Variants in RSU1 observed in about 807,000 individuals in gnomAD.
RSU1 encodes the protein Ras suppressor protein 1.
In RSU1, 26 loss-of-function variants were observed where a neutral mutation model predicts 31.1. The observed-to-expected ratio is 0.84, with a 90% confidence interval of 0.61 to 1.16. The LOEUF (loss-of-function observed/expected upper bound fraction) is 1.16. Ranked by LOEUF, RSU1 falls within the 50% of genes most tolerant of loss-of-function variation. The probability of loss-of-function intolerance (pLI) is 0.00; values close to 1 mark genes in which losing one functional copy is unlikely to be tolerated. For synonymous variants in RSU1, 164 were observed against 136.3 expected, an observed-to-expected ratio of 1.20 and a Z score of -1.41; for missense variants, 320 against 339.1, an observed-to-expected ratio of 0.94 and a Z score of 0.44.
Position 16,773,885 on chromosome 10 carries a change from T to A in RSU1, c.160+8149A>T, listed in dbSNP as rs368781020. 4.1e-3 allele frequency among the ~76,000 whole-genome samples: 617 copies of A among 151,834 alleles called. 3 individuals carry two copies. The highest frequency in any genetic ancestry group is 6.8e-3 in the Non-Finnish European group (461 of 67,964). On this transcript the variant is annotated intron_variant, in intron 3 of 8. Transcript: ENST00000345264. Reference sequence around the variant, plus strand: ...AAAGGGGTAGGAACATCAGTTTTTTTAAAAAAATCAGGTGACTAGAACAAA... The same window carrying A: ...AAAGGGGTAGGAACATCAGTTTTTTAAAAAAAATCAGGTGACTAGAACAAA...
chr10:16,679,284 A>G (rs1835286054), intron 8 of RSU1, among the ~76,000 whole-genome samples: 3 of 152,312 alleles, frequency 2.0e-5, no homozygotes, highest in East Asian at 1.9e-4. Flanking sequence ...TTGCTTTCAA[A>G]AAGACTTCAG....
At chr10:16,676,522 T>C (rs1286962918) in intron 8 of RSU1, among the ~76,000 whole-genome samples, 1 of 152,186 alleles carries the variant, frequency 6.6e-6, no homozygotes, top group Non-Finnish European at 1.5e-5. Context: ...CAAGATGAGA[T>C]TTGGGTGGGG....
rs182580174 is a variant in RSU1 at position 16,773,920 on chromosome 10, G to C, written c.160+8114C>G. Among the ~76,000 whole-genome samples, 6 of 152,136 alleles carry C rather than the reference G, an allele frequency of 3.9e-5. No individual in the cohort carries two copies. In the East Asian group the frequency reaches 1.2e-3, roughly 29 times the overall value. On this transcript the variant is annotated intron_variant, in intron 3 of 8. Transcript: ENST00000345264. ...AGGTGACTAGAACAAAGAATAGATAGGCAGGGGAAAAAAGCTAAAGAACCA... is the reference window on the plus strand; with the variant it reads ...AGGTGACTAGAACAAAGAATAGATACGCAGGGGAAAAAAGCTAAAGAACCA...
intron 2 of RSU1, among the ~76,000 whole-genome samples, chr10:16,790,557 A>G (rs1837890691): frequency 6.6e-6 from 1 of 152,150 alleles, no homozygotes; most frequent in African/African-American, 2.4e-5. Context: ...GACCTACACA[A>G]CTCACGGGTG....
At chr10:16,757,264 A>G (rs533132583) in intron 4 of RSU1, among the ~76,000 whole-genome samples, 61 of 152,264 alleles carry the variant, frequency 4.0e-4, no homozygotes, top group African/African-American at 1.4e-3. Context: ...AAATTTAATA[A>G]AAGTTGACAG....
intron 8 of RSU1, among the ~76,000 whole-genome samples, chr10:16,662,960 C>A (rs1382198498): frequency 6.8e-6 from 1 of 146,996 alleles, no homozygotes; most frequent in Non-Finnish European, 1.5e-5. Flanking sequence ...TCGGGGGCAT[C>A]TCTCAGCAAT....
chr10:16,776,330 T>C (rs926910639), intron 3 of RSU1, among the ~76,000 whole-genome samples: 1 of 152,348 alleles, frequency 6.6e-6, no homozygotes, highest in African/African-American at 2.4e-5. Flanking sequence ...AATCAATGTA[T>C]ACATCTGCAT....
chr10:16,759,402 G>T (rs193177420), intron 4 of RSU1, among the ~76,000 whole-genome samples: 2 of 152,118 alleles, frequency 1.3e-5, no homozygotes, highest in African/African-American at 4.8e-5. Context: ...AGCTACTCAG[G>T]AGGCTGATGT....
intron 8 of RSU1, among the ~76,000 whole-genome samples, chr10:16,642,201 A>G (rs2131502719): frequency 6.6e-6 from 1 of 151,598 alleles, no homozygotes; most frequent in South Asian, 2.1e-4. Context: ...TAATAACGTT[A>G]CTGAAAAAAA....
chr10:16,723,831 C>T (rs969065865), intron 7 of RSU1, among the ~76,000 whole-genome samples: 11 of 152,182 alleles, frequency 7.2e-5, no homozygotes, highest in South Asian at 2.1e-4. Context: ...TCAGTCCACC[C>T]GTGCAGAGAT....
intron 8 of RSU1, among the ~76,000 whole-genome samples, chr10:16,629,497 T>C (rs909575217): frequency 6.6e-6 from 1 of 152,060 alleles, no homozygotes; most frequent in African/African-American, 2.4e-5. Flanking sequence ...AATTACTGCA[T>C]GGTAAGAATT....
chr10:16,643,475 C>A (rs1036009885), intron 8 of RSU1, among the ~76,000 whole-genome samples: 2 of 152,086 alleles, frequency 1.3e-5, no homozygotes, highest in African/African-American at 4.8e-5. Context: ...ATATTACATA[C>A]AAAATTAGGT....
intron 8 of RSU1, among the ~76,000 whole-genome samples, chr10:16,650,576 C>CTTTTTTTT (rs139231306): frequency 5.3e-5 from 6 of 112,558 alleles, no homozygotes; most frequent in African/African-American, 2.1e-4. Context: ...TCCTGAAAAG[C>CTTTTTTTT]TTTTTTTTTT....
chr10:16,735,188 G>C (rs1482773979), intron 7 of RSU1, among the ~76,000 whole-genome samples: 2 of 152,120 alleles, frequency 1.3e-5, no homozygotes, highest in Admixed American at 6.5e-5. Flanking sequence ...TAACAGATAA[G>C]TTAAAAAGCA....
chr10:16,817,218 G>T (rs1455506499), intron 1 of RSU1, 97 bp downstream of exon 1: 11 of 671,178 alleles, frequency 1.6e-5, no homozygotes, highest in Non-Finnish European at 3.0e-5. Flanking sequence ...CCCAGGGGCT[G>T]GTCCGGGTGC....
At chr10:16,616,747 C>T (rs966470793) in intron 8 of RSU1, among the ~76,000 whole-genome samples, 7 of 152,228 alleles carry the variant, frequency 4.6e-5, no homozygotes, top group African/African-American at 1.7e-4. Flanking sequence ...ATCACATTAA[C>T]TGAATCAAGG....
At chr10:16,806,563 C>T (rs528946907) in intron 2 of RSU1, among the ~76,000 whole-genome samples, 2 of 152,180 alleles carry the variant, frequency 1.3e-5, no homozygotes, top group East Asian at 1.9e-4. Flanking sequence ...TAGCACAATG[C>T]CTGGTATGTG....
intron 8 of RSU1, among the ~76,000 whole-genome samples, chr10:16,652,584 C>G (rs928817166): frequency 6.6e-6 from 1 of 152,000 alleles, no homozygotes; most frequent in African/African-American, 2.4e-5. Flanking sequence ...ACGGTCTGTA[C>G]AAATGTATGT....
chr10:16,768,010 T>G (rs1307562331), intron 3 of RSU1, among the ~76,000 whole-genome samples: 1 of 152,256 alleles, frequency 6.6e-6, no homozygotes, highest in Non-Finnish European at 1.5e-5. Context: ...ACTGGAATTT[T>G]CTAGATATCT....
Sources: gnomAD v4.1 joint callset for allele counts (sites outside exome capture counted in the v4.1 genomes callset) on GRCh38, gnomAD v4.1.1 for gene constraint, MANE v1.5 for transcripts, NCBI Gene and HGNC (gene_info 2026-07-23, HGNC 2026-07-21) for gene names.